The following IFT88 variants were observed in gnomAD, a reference collection of about 807,000 sequenced individuals.
The protein encoded by IFT88 is intraflagellar transport protein 88 homolog.
Under a neutral mutation model 119.5 loss-of-function variants are expected in IFT88, and 74 were observed. The ratio of observed to expected loss-of-function variants is 0.62; its 90% CI spans 0.51 to 0.75. The LOEUF (loss-of-function observed/expected upper bound fraction) is 0.75. Among genes scored for constraint, IFT88 ranks in the 30% least tolerant of loss-of-function variants. IFT88 has a pLI of 0.00. For missense variants in IFT88, 961 were observed against 977.7 expected, an observed-to-expected ratio of 0.98 and a Z score of 0.23; for synonymous variants, 279 against 316.7, an observed-to-expected ratio of 0.88 and a Z score of 1.26.
chr13:20,591,628 C>G lies in IFT88; in HGVS notation c.275C>G (p.Thr92Ser), dbSNP rs1270395802. The G allele has an allele frequency of 1.2e-6, 2 of 1,612,118 alleles. No individual in the cohort carries two copies. Among genetic ancestry groups the G allele is most frequent in the East Asian group, 2.2e-5 (1 of 44,730 alleles). The change falls in exon 6 of 26, where the codon ACT becomes AGT. Residue 92 changes from threonine to serine, a missense_variant. Coordinates refer to ENST00000351808, the MANE Select transcript of IFT88 (RefSeq NM_006531.5). ...CCATTCTCTTTAAAGGATGGAGTTACTAGACCCATGACAGCAGTGAGAGCA... is the reference window on the plus strand; with the variant it reads ...CCATTCTCTTTAAAGGATGGAGTTAGTAGACCCATGACAGCAGTGAGAGCA... ...PMTGAIQDGV[T>S]RPMTAVRAAG...
At position 20,648,881 on chromosome 13, in the gene IFT88, A is replaced by G. The variant is rs571886858; in HGVS notation, c.1949+3923A>G. Among the ~76,000 whole-genome samples, 249 of 152,310 alleles carry G rather than the reference A, an allele frequency of 1.6e-3. 2 individuals are homozygous for G. Among genetic ancestry groups the G allele is most frequent in the African/African-American group, 5.8e-3 (241 of 41,580 alleles). ...AACCAGAAGAGAGTTGGGAGGCTTTATTATTGTCAGACAAAACAGGCTTTA... is the reference window on the plus strand; with the variant it reads ...AACCAGAAGAGAGTTGGGAGGCTTTGTTATTGTCAGACAAAACAGGCTTTA... On this transcript the variant is annotated intron_variant, in intron 20 of 25. Coordinates refer to ENST00000351808, the MANE Select transcript of IFT88 (RefSeq NM_006531.5).
chr13:20,575,818 G>A (rs372755466), intron 2 of IFT88, among the ~76,000 whole-genome samples: 3 of 152,182 alleles, frequency 2.0e-5, no homozygotes, highest in South Asian at 2.1e-4. Context: ...TTACTTTGGC[G>A]CCAACCTAAT....
intron 13 of IFT88, among the ~76,000 whole-genome samples, chr13:20,606,124 G>A (rs1441277585): frequency 6.6e-6 from 1 of 152,182 alleles, no homozygotes; most frequent in Admixed American, 6.5e-5. Flanking sequence ...CTGGGGTGGT[G>A]TCAGAAAAGG....
At chr13:20,685,804 C>T (rs1483115565) in intron 24 of IFT88, among the ~76,000 whole-genome samples, 1 of 152,198 alleles carries the variant, frequency 6.6e-6, no homozygotes, top group South Asian at 2.1e-4. Flanking sequence ...TGTTTGAACC[C>T]GGGAGGCAGA....
At chr13:20,651,725 G>T (rs1167073340) in intron 20 of IFT88, among the ~76,000 whole-genome samples, 1 of 151,758 alleles carries the variant, frequency 6.6e-6, no homozygotes, top group Admixed American at 6.6e-5. Context: ...CTCTTACCAT[G>T]CCTAAGGTAT....
intron 24 of IFT88, among the ~76,000 whole-genome samples, chr13:20,678,597 G>A (rs2056968169): frequency 6.6e-6 from 1 of 152,180 alleles, no homozygotes; most frequent in Non-Finnish European, 1.5e-5. Context: ...GAGGGGCCAG[G>A]TTTTCCTTGC....
intron 13 of IFT88, among the ~76,000 whole-genome samples, chr13:20,613,177 T>C (rs1269637794): frequency 6.6e-6 from 1 of 152,152 alleles, no homozygotes; most frequent in Admixed American, 6.5e-5. Context: ...AGAAAATATT[T>C]GCAAATGATG....
chr13:20,580,177 A>G (rs545956736), intron 2 of IFT88, among the ~76,000 whole-genome samples: 41 of 152,310 alleles, frequency 2.7e-4, no homozygotes, highest in South Asian at 8.3e-4. Context: ...AAATATTTGA[A>G]TATTACTTTA....
chr13:20,638,016 C>T (rs1179152893), intron 16 of IFT88, among the ~76,000 whole-genome samples: 2 of 152,146 alleles, frequency 1.3e-5, no homozygotes, highest in Non-Finnish European at 2.9e-5. Context: ...TATTTCAGGG[C>T]TTCAAGTGGG....
At chr13:20,655,859 GTATA>G (rs2052688121) in intron 21 of IFT88, among the ~76,000 whole-genome samples, 1 of 152,080 alleles carries the variant, frequency 6.6e-6, no homozygotes, top group Non-Finnish European at 1.5e-5. Context: ...ATTACTGTAA[GTATA>G]TAACTTAGAT....
At chr13:20,673,207 A>G (rs1427819570) in intron 24 of IFT88, among the ~76,000 whole-genome samples, 1 of 152,020 alleles carries the variant, frequency 6.6e-6, no homozygotes, top group Non-Finnish European at 1.5e-5. Context: ...AACATCAACA[A>G]CCTTATGTTA....
intron 7 of IFT88, among the ~76,000 whole-genome samples, chr13:20,595,179 G>A (rs1323973815): frequency 6.6e-6 from 1 of 152,136 alleles, no homozygotes; most frequent in Non-Finnish European, 1.5e-5. Flanking sequence ...CAGAAAGATC[G>A]CTTAAGCCCA....
intron 20 of IFT88, among the ~76,000 whole-genome samples, chr13:20,645,616 G>A (rs1298440594): frequency 1.3e-5 from 2 of 152,076 alleles, no homozygotes; most frequent in Admixed American, 6.5e-5. Flanking sequence ...ATACAAGACA[G>A]TTTTGTTGGT....
At chr13:20,672,467 C>T (rs959274394) in intron 24 of IFT88, among the ~76,000 whole-genome samples, 21 of 152,276 alleles carry the variant, frequency 1.4e-4, no homozygotes, top group African/African-American at 5.1e-4. Flanking sequence ...CTGATGGCTA[C>T]TCCTGTCTCC....
chr13:20,578,031 CTTCTT>C lies in IFT88; in HGVS notation c.90+3559_90+3563del, dbSNP rs1393445876. On this transcript the variant is annotated intron_variant, in intron 2 of 25. Transcript: ENST00000351808. Reference sequence around the variant, plus strand: ...TTTTATTGTGGCTTCAGTCTTGTTACTTCTTTTTTTTTTTTTTTTTTTTTTTTTTT... The same window carrying C: ...TTTTATTGTGGCTTCAGTCTTGTTACTTTTTTTTTTTTTTTTTTTTTTTTT... 9.3e-3 allele frequency among the ~76,000 whole-genome samples: 555 copies of C among 59,818 alleles called. 14 individuals are homozygous for C. Among genetic ancestry groups the C allele is most frequent in the African/African-American group, 0.028 (537 of 19,446 alleles). 39.2% of individuals were successfully genotyped at this position (59,818 alleles called of 152,430 possible).
chr13:20,667,454 G>C (rs772834230), intron 23 of IFT88, among the ~76,000 whole-genome samples: 3 of 152,194 alleles, frequency 2.0e-5, no homozygotes, highest in Non-Finnish European at 4.4e-5. Context: ...TCCCTGCCCA[G>C]TGTCCCTGAG....
chr13:20,614,838 C>T (rs1228069735), intron 13 of IFT88, among the ~76,000 whole-genome samples: 1 of 53,472 alleles, frequency 1.9e-5, no homozygotes, highest in Non-Finnish European at 6.5e-5. Context: ...TTTTTTGAGA[C>T]GGAGTCTCAC....
At chr13:20,652,669 C>T (rs1389786926) in intron 20 of IFT88, among the ~76,000 whole-genome samples, 5 of 150,612 alleles carry the variant, frequency 3.3e-5, no homozygotes, top group Non-Finnish European at 7.4e-5. Flanking sequence ...AGTTCAAAAA[C>T]AGGCTAGATT....
At chr13:20,630,638 A>G (rs565407498) in intron 15 of IFT88, among the ~76,000 whole-genome samples, 56 of 152,090 alleles carry the variant, frequency 3.7e-4, no homozygotes, top group East Asian at 3.7e-3. Context: ...ACCTCAAGCA[A>G]TTCTCCTGCC....
Sources: gnomAD v4.1 joint callset for allele counts (sites outside exome capture counted in the v4.1 genomes callset) on GRCh38, gnomAD v4.1.1 for gene constraint, MANE v1.5 for transcripts, NCBI Gene and HGNC (gene_info 2026-07-23, HGNC 2026-07-21) for gene names.